Variants in DGKB observed in about 807,000 individuals in gnomAD.
DGKB encodes diacylglycerol kinase beta.
In DGKB, 67 loss-of-function variants were observed where a neutral mutation model predicts 114.3. That is an observed-to-expected ratio of 0.59 (90% CI 0.48 to 0.72). The LOEUF (loss-of-function observed/expected upper bound fraction) is 0.72. Among genes scored for constraint, DGKB ranks in the 30% least tolerant of loss-of-function variants. The pLI is 0.00. For synonymous variants in DGKB, 398 were observed against 323.1 expected, an observed-to-expected ratio of 1.23 and a Z score of -2.49; for missense variants, 907 against 975.2, an observed-to-expected ratio of 0.93 and a Z score of 0.93.
intron 21 of DGKB, among the ~76,000 whole-genome samples, chr7:14,396,819 T>A (rs969001388): frequency 5.3e-4 from 81 of 152,248 alleles, no homozygotes; most frequent in Non-Finnish European, 2.4e-4. Flanking sequence ...TATAGAGTAA[T>A]AAAACTCTGA....
intron 21 of DGKB, among the ~76,000 whole-genome samples, chr7:14,452,216 A>G (rs189519384): frequency 2.1e-4 from 32 of 152,222 alleles, no homozygotes; most frequent in African/African-American, 7.0e-4. Flanking sequence ...TACAAAAGCA[A>G]TTATTTAAAA....
chr7:14,576,123 A>G (rs1799085781), intron 19 of DGKB, among the ~76,000 whole-genome samples: 1 of 152,166 alleles, frequency 6.6e-6, no homozygotes, highest in African/African-American at 2.4e-5. Flanking sequence ...ATTTCAGAAG[A>G]GATTGGGTCT....
intron 23 of DGKB, among the ~76,000 whole-genome samples, chr7:14,179,097 G>A (rs1389164275): frequency 6.6e-6 from 1 of 152,196 alleles, no homozygotes; most frequent in East Asian, 1.9e-4. Context: ...GAAAAGGACA[G>A]AATTTACAAC....
intron 23 of DGKB, among the ~76,000 whole-genome samples, chr7:14,264,329 G>T (rs1380687998): frequency 1.3e-5 from 2 of 152,068 alleles, no homozygotes; most frequent in African/African-American, 4.8e-5. Flanking sequence ...CTTTCAGGTT[G>T]GCCCTGATTT....
At chr7:14,321,180 G>T (rs974587300) in intron 23 of DGKB, among the ~76,000 whole-genome samples, 1 of 151,930 alleles carries the variant, frequency 6.6e-6, no homozygotes, top group Admixed American at 6.6e-5. Flanking sequence ...GGTCCCAGCC[G>T]CTTGGGAAGC....
Position 14,672,974 on chromosome 7 carries a change from C to G in DGKB, c.1089G>C (p.Leu363Phe). The G allele has an allele frequency of 1.3e-6, 2 of 1,579,016 alleles. No individual in the cohort carries two copies. Among genetic ancestry groups the G allele is most frequent in the Non-Finnish European group, 1.7e-6 (2 of 1,160,788 alleles). Residue 363 changes from leucine (L) to phenylalanine (F), a missense_variant, in exon 13 of 26, where the codon TTG (leucine) becomes TTC (phenylalanine). Transcript: ENST00000402815. ...TTGTGGGTGGTAAAATATGGTCCTTCAAAGGTCCACAGTCACATTCAGGTT... is the reference window on the plus strand; with the variant it reads ...TTGTGGGTGGTAAAATATGGTCCTTGAAAGGTCCACAGTCACATTCAGGTT... ...HLKPECDCGPLKDHILPPTTI... is the reference protein window; with the variant it reads ...HLKPECDCGPFKDHILPPTTI...
intron 21 of DGKB, among the ~76,000 whole-genome samples, chr7:14,450,751 T>G (rs1369627818): frequency 6.6e-6 from 1 of 151,908 alleles, no homozygotes; most frequent in Non-Finnish European, 1.5e-5. Context: ...CAGAAGGAGG[T>G]GTCCTATCAA....
At chr7:14,268,647 C>A (rs1797861974) in intron 23 of DGKB, among the ~76,000 whole-genome samples, 1 of 152,068 alleles carries the variant, frequency 6.6e-6, no homozygotes, top group African/African-American at 2.4e-5. Flanking sequence ...GGATTCCTAG[C>A]ATTCAGTTTC....
chr7:14,777,246 T>A (rs1374803297), intron 2 of DGKB, among the ~76,000 whole-genome samples: 1 of 152,124 alleles, frequency 6.6e-6, no homozygotes, highest in Non-Finnish European at 1.5e-5. Context: ...TTGTCTCAGA[T>A]GAGACTTTGG....
intron 16 of DGKB, among the ~76,000 whole-genome samples, chr7:14,609,552 A>C (rs1805136233): frequency 6.6e-6 from 1 of 152,144 alleles, no homozygotes. Context: ...GAGCTTCTGC[A>C]CAGCAAAAGA....
At chr7:14,243,891 C>T (rs1400293543) in intron 23 of DGKB, among the ~76,000 whole-genome samples, 1 of 152,104 alleles carries the variant, frequency 6.6e-6, no homozygotes, top group East Asian at 1.9e-4. Context: ...ATTTATTGTA[C>T]CATCTTTGCT....
intron 1 of DGKB, among the ~76,000 whole-genome samples, chr7:14,917,067 A>G (rs1376566750): frequency 1.3e-5 from 2 of 152,152 alleles, no homozygotes; most frequent in Non-Finnish European, 2.9e-5. Flanking sequence ...AGAAATTTTA[A>G]AATATTTTAA....
chr7:14,496,181 G>T (rs1785282166), intron 20 of DGKB, among the ~76,000 whole-genome samples: 1 of 151,736 alleles, frequency 6.6e-6, no homozygotes, highest in Non-Finnish European at 1.5e-5. Context: ...AATAGTTCAT[G>T]TTTCATCAAA....
chr7:14,741,795 A>T (rs1299380951), intron 4 of DGKB, among the ~76,000 whole-genome samples: 10 of 152,212 alleles, frequency 6.6e-5, no homozygotes, highest in African/African-American at 2.2e-4. Context: ...CTGTTGGTAA[A>T]GTTCAAAAGC....
intron 20 of DGKB, among the ~76,000 whole-genome samples, chr7:14,505,565 A>T (rs79318276): frequency 0.015 from 2,261 of 152,322 alleles, 28 homozygotes; most frequent in Non-Finnish European, 0.022. Flanking sequence ...AAGGTTTTGA[A>T]AACACTGGAT....
chr7:14,328,565 C>A (rs1447817064), intron 23 of DGKB, among the ~76,000 whole-genome samples: 2 of 151,980 alleles, frequency 1.3e-5, no homozygotes, highest in African/African-American at 4.8e-5. Flanking sequence ...TAATTATTCT[C>A]TTTTAATGAA....
chr7:14,805,480 A>C (rs919951243), intron 2 of DGKB, among the ~76,000 whole-genome samples: 3 of 152,082 alleles, frequency 2.0e-5, no homozygotes, highest in African/African-American at 7.2e-5. Flanking sequence ...CTGACCTTTG[A>C]ACCTGCTTCT....
intron 13 of DGKB, among the ~76,000 whole-genome samples, chr7:14,631,024 T>A (rs540321782): frequency 2.6e-5 from 4 of 151,204 alleles, no homozygotes; most frequent in East Asian, 3.9e-4. Flanking sequence ...CACACAATAC[T>A]AGATAAAGTT....
chr7:14,156,924 T>G (rs112415061), intron 25 of DGKB, among the ~76,000 whole-genome samples: 2 of 152,190 alleles, frequency 1.3e-5, no homozygotes, highest in African/African-American at 4.8e-5. Flanking sequence ...AAATGCATTC[T>G]CTTTTTAATT....
Sources: gnomAD v4.1 joint callset for allele counts (sites outside exome capture counted in the v4.1 genomes callset) on GRCh38, gnomAD v4.1.1 for gene constraint, MANE v1.5 for transcripts, NCBI Gene and HGNC (gene_info 2026-07-23, HGNC 2026-07-21) for gene names.